ASAP2: variants seen among roughly 807,000 people sequenced by gnomAD.
ASAP2 encodes the protein ArfGAP with SH3 domain, ankyrin repeat and PH domain 2, also known as arf-GAP with SH3 domain, ANK repeat and PH domain-containing protein 2.
ASAP2 carries 45 observed loss-of-function variants against 131.4 expected under a neutral mutation model. The ratio of observed to expected loss-of-function variants is 0.34; its 90% CI spans 0.27 to 0.44. ASAP2 has a LOEUF of 0.44. ASAP2 is among the 20% of genes least tolerant of loss of function. ASAP2 has a pLI of 1.00. For synonymous variants in ASAP2, 510 were observed against 503.0 expected, an observed-to-expected ratio of 1.01 and a Z score of -0.19; for missense variants, 1,011 against 1,297.0, an observed-to-expected ratio of 0.78 and a Z score of 3.39.
At chr2:9,397,821 C>T (rs1391688441) in intron 24 of ASAP2, among the ~76,000 whole-genome samples, 1 of 124,886 alleles carries the variant, frequency 8.0e-6, no homozygotes, top group East Asian at 2.4e-4. Context: ...TGCAGTGGCT[C>T]GATCTCTGCT....
intron 12 of ASAP2, among the ~76,000 whole-genome samples, chr2:9,354,551 C>A (rs533046560): frequency 1.3e-5 from 2 of 151,516 alleles, no homozygotes; most frequent in Non-Finnish European, 2.9e-5. Flanking sequence ...GTGGGAAGAT[C>A]GCTTGAGCCT....
intron 1 of ASAP2, among the ~76,000 whole-genome samples, chr2:9,213,803 A>G (rs1661782547): frequency 6.6e-6 from 1 of 152,198 alleles, no homozygotes; most frequent in African/African-American, 2.4e-5. Flanking sequence ...CAGCATCCCC[A>G]TGGTGAAGCT....
chr2:9,401,448 C>T, intron 27 of ASAP2, 52 bp downstream of exon 27: 8 of 1,595,654 alleles, frequency 5.0e-6, no homozygotes, highest in Non-Finnish European at 6.8e-6. Context: ...CACGTCCCTG[C>T]CCACCTGGCT....
At chr2:9,227,717 C>A (rs1003468335) in intron 1 of ASAP2, among the ~76,000 whole-genome samples, 6 of 152,146 alleles carry the variant, frequency 3.9e-5, no homozygotes, top group African/African-American at 4.8e-5. Flanking sequence ...TCCTCAGTAA[C>A]CGTTTTATTG....
chr2:9,397,251 G>A (rs986474452), intron 24 of ASAP2, among the ~76,000 whole-genome samples: 3 of 152,176 alleles, frequency 2.0e-5, no homozygotes, highest in Admixed American at 6.5e-5. Context: ...CTAAGGAGCC[G>A]TCAGCTCCCA....
intron 15 of ASAP2, 51 bp downstream of exon 15, chr2:9,358,940 A>G: frequency 6.4e-7 from 1 of 1,561,032 alleles, no homozygotes; most frequent in South Asian, 1.2e-5. Flanking sequence ...GCTGTAAGCT[A>G]AATTTTACTT....
intron 1 of ASAP2, among the ~76,000 whole-genome samples, chr2:9,273,421 A>G (rs1374101805): frequency 6.6e-6 from 1 of 152,232 alleles, no homozygotes; most frequent in African/African-American, 2.4e-5. Flanking sequence ...GAATTTATCT[A>G]TCAGTGTAAC....
At chr2:9,334,375 C>G (rs1338408862) in intron 7 of ASAP2, among the ~76,000 whole-genome samples, 1 of 142,848 alleles carries the variant, frequency 7.0e-6, no homozygotes, top group Non-Finnish European at 1.5e-5. Flanking sequence ...CTTTTCTTTT[C>G]CATGTCGCGG....
intron 21 of ASAP2, among the ~76,000 whole-genome samples, chr2:9,387,248 A>G (rs2952792): frequency 0.017 from 2,560 of 147,024 alleles, 98 homozygotes; most frequent in African/African-American, 0.063. Context: ...TTCAGGGGGG[A>G]GCAGGGGTGG....
At chr2:9,373,456 A>C (rs898421126) in intron 16 of ASAP2, among the ~76,000 whole-genome samples, 2 of 152,218 alleles carry the variant, frequency 1.3e-5, no homozygotes, top group African/African-American at 4.8e-5. Context: ...GTGCTGTGGG[A>C]GTAATGGCTT....
intron 1 of ASAP2, among the ~76,000 whole-genome samples, chr2:9,208,386 G>A (rs1034081017): frequency 6.7e-5 from 10 of 150,126 alleles, no homozygotes; most frequent in Non-Finnish European, 1.2e-4. Flanking sequence ...TTTAAATGAA[G>A]CAATGGCGTT....
In ASAP2 at chr2:9,338,347, A is replaced by ATC. The variant is rs372489671; in HGVS notation, c.849+3184_849+3185dup. Reference sequence around the variant, plus strand: ...TGTCTATCTCTCTCTGTCTGTCTCTATCTCTCTCTCTCTCTCTTTCTCTTG... The same window carrying ATC: ...TGTCTATCTCTCTCTGTCTGTCTCTATCTCTCTCTCTCTCTCTCTTTCTCTTG... On this transcript the variant is annotated intron_variant, in intron 9 of 27. Coordinates refer to ENST00000281419, the MANE Select transcript of ASAP2 (RefSeq NM_003887.3). Among the ~76,000 whole-genome samples, 901 of 147,108 alleles carry ATC rather than the reference A, an allele frequency of 6.1e-3. 8 individuals are homozygous for ATC. The highest frequency in any genetic ancestry group is 0.021 in the African/African-American group (846 of 40,032).
At chr2:9,265,003 G>A (rs1012732343) in intron 1 of ASAP2, among the ~76,000 whole-genome samples, 1 of 152,096 alleles carries the variant, frequency 6.6e-6, no homozygotes, top group Non-Finnish European at 1.5e-5. Flanking sequence ...GGGTGTGGTG[G>A]CATGTGCCTG....
At chr2:9,223,162 A>G (rs1217348298) in intron 1 of ASAP2, among the ~76,000 whole-genome samples, 1 of 152,186 alleles carries the variant, frequency 6.6e-6, no homozygotes, top group Non-Finnish European at 1.5e-5. Context: ...TCAATTTTCT[A>G]GAACTGGGTT....
intron 2 of ASAP2, among the ~76,000 whole-genome samples, chr2:9,287,381 G>T (rs1667533205): frequency 6.6e-6 from 1 of 152,210 alleles, no homozygotes; most frequent in Non-Finnish European, 1.5e-5. Flanking sequence ...TAAGGTTGTT[G>T]TTTCATTATT....
At chr2:9,335,861 A>G (rs1671169937) in intron 9 of ASAP2, among the ~76,000 whole-genome samples, 1 of 152,206 alleles carries the variant, frequency 6.6e-6, no homozygotes, top group Admixed American at 6.5e-5. Context: ...TTCCTTGTTA[A>G]TAAAAGGAAT....
At chr2:9,215,361 TTC>T (rs1421048718) in intron 1 of ASAP2, among the ~76,000 whole-genome samples, 1 of 152,206 alleles carries the variant, frequency 6.6e-6, no homozygotes, top group Admixed American at 6.5e-5. Flanking sequence ...CTCATAATGC[TTC>T]TTTACTAAAG....
chr2:9,380,858 G>A, intron 20 of ASAP2, 50 bp downstream of exon 20: 1 of 1,566,608 alleles, frequency 6.4e-7, no homozygotes, highest in South Asian at 1.1e-5. Flanking sequence ...ACGGGACAGG[G>A]AGCCAAGCCT....
chr2:9,226,889 G>A (rs1012222543), intron 1 of ASAP2, among the ~76,000 whole-genome samples: 1 of 152,168 alleles, frequency 6.6e-6, no homozygotes, highest in African/African-American at 2.4e-5. Context: ...GGCTTCCTTG[G>A]TCAGTCAGGA....
Sources: gnomAD v4.1 joint callset for allele counts (sites outside exome capture counted in the v4.1 genomes callset) on GRCh38, gnomAD v4.1.1 for gene constraint, MANE v1.5 for transcripts, NCBI Gene and HGNC (gene_info 2026-07-23, HGNC 2026-07-21) for gene names.